Variants in UGT1A6 observed in about 807,000 individuals in gnomAD.
UGT1A6 encodes UDP glucuronosyltransferase family 1 member A6, also known as UDP-glucuronosyltransferase 1A6.
Under a neutral mutation model 44.4 loss-of-function variants are expected in UGT1A6, and 32 were observed. The observed-to-expected ratio is 0.72, with a 90% CI of 0.54 to 0.97. The LOEUF is 0.97. Ranked by LOEUF, UGT1A6 falls within the 50% of genes least tolerant of loss-of-function variation. The probability of loss-of-function intolerance (pLI) is 0.00; values close to 1 mark genes in which losing one functional copy is unlikely to be tolerated. For missense variants in UGT1A6, 685 were observed against 661.9 expected (o/e 1.03, Z -0.38); for synonymous variants, 238 against 248.5 (o/e 0.96, Z 0.40).
rs1378929014 is a variant in UGT1A6, at chr2:233,747,451, A to G, written c.862-19583A>G. On this transcript the variant is annotated intron_variant, in intron 1 of 4. Coordinates refer to ENST00000305139, the MANE Select transcript of UGT1A6 (RefSeq NM_001072.4). ...GAGAAATTTTTCACCCTGACAACCT[A>G]TGCCATTTCATGGACCCAGGATGAA... is the stretch of plus-strand genomic sequence containing the variant. 1.7e-4 allele frequency: 273 copies of G among 1,608,716 alleles called. 1 individual carries two copies. The highest frequency in any genetic ancestry group is 3.3e-5 in the Admixed American group (2 of 59,980).
chr2:233,703,579 A>G (rs2075744144), intron 1 of UGT1A6, among the ~76,000 whole-genome samples: 2 of 151,928 alleles, frequency 1.3e-5, no homozygotes, highest in South Asian at 4.1e-4. Context: ...TAAGGTCTAT[A>G]TTATCTTGCT....
At chr2:233,695,439 T>C (rs572772091) in intron 1 of UGT1A6, among the ~76,000 whole-genome samples, 14 of 152,046 alleles carry the variant, frequency 9.2e-5, no homozygotes, top group African/African-American at 3.4e-4. Context: ...CTTCTTCTTT[T>C]TTTTTTGATC....
chr2:233,769,824 C>A lies in UGT1A6; in HGVS notation c.1301+1385C>A. On this transcript the variant is annotated intron_variant, in intron 4 of 4. Transcript: ENST00000305139. This position sits in a 1 kb window ranked among gnomAD's most constrained non-coding sequence, Gnocchi z 4.4. The stretch of plus-strand genomic sequence containing the variant: ...GAGCCGTGATCATGCCACTGCACTC[C>A]AGCAACCTGGGCAACAGAGTGAGAC... 2 of 763,338 alleles carry A rather than the reference C, an allele frequency of 2.6e-6. No homozygotes were observed. The highest frequency in any genetic ancestry group is 3.7e-6 in the Non-Finnish European group (2 of 534,878). The allele number at this position is 763,338 out of a possible 1,614,324, so 47.3% of individuals were successfully genotyped here. A position where few individuals can be genotyped will look rare whatever the true frequency, so the allele number is the denominator to read the frequency against.
intron 1 of UGT1A6, chr2:233,748,082 C>T (rs1013967791): frequency 1.5e-5 from 25 of 1,612,926 alleles, no homozygotes; most frequent in East Asian, 6.7e-5. Context: ...TATCTCAGGT[C>T]GGTGTTCGTG....
Position 233,750,687 on chromosome 2 carries a change from G to T in UGT1A6, c.862-16347G>T, listed in dbSNP as rs1349099199. On this transcript the variant is annotated intron_variant, in intron 1 of 4. Coordinates refer to ENST00000305139, the MANE Select transcript of UGT1A6 (RefSeq NM_001072.4). The stretch of plus-strand genomic sequence containing the variant: ...CTGTGTCCCAGTGGCTCCAGCCATG[G>T]CTAAAAGAGGCCAAGGTAGAGCTCA... The T allele has an allele frequency of 2.6e-5, 4 of 151,974 alleles. No individual in the cohort carries two copies. In the South Asian group the frequency reaches 6.2e-4, roughly 24 times the overall value. 9.4% of individuals were successfully genotyped at this position (151,974 alleles called of 1,614,324 possible). A position where few individuals can be genotyped will look rare whatever the true frequency, so the allele number is the denominator to read the frequency against.
chr2:233,726,544 G>A (rs543814105), intron 1 of UGT1A6, among the ~76,000 whole-genome samples: 35 of 152,224 alleles, frequency 2.3e-4, no homozygotes, highest in Non-Finnish European at 4.0e-4. Flanking sequence ...GCAGTGCAGC[G>A]TCTTCAAGTC....
intron 1 of UGT1A6, among the ~76,000 whole-genome samples, chr2:233,705,028 C>T (rs912053989): frequency 4.0e-5 from 6 of 151,736 alleles, no homozygotes; most frequent in African/African-American, 1.2e-4. Context: ...CCCAGCTACT[C>T]GGGAGGCTGA....
At chr2:233,720,465 GATGA>G (rs2076862299) in intron 1 of UGT1A6, among the ~76,000 whole-genome samples, 1 of 152,108 alleles carries the variant, frequency 6.6e-6, no homozygotes, top group Non-Finnish European at 1.5e-5. Flanking sequence ...TGGGACCAGT[GATGA>G]ATGGACATGT....
intron 1 of UGT1A6, chr2:233,760,706 T>G (rs1396464237): frequency 2.5e-6 from 4 of 1,614,118 alleles, no homozygotes; most frequent in African/African-American, 1.3e-5. Flanking sequence ...ATGGCCTCCC[T>G]GGCAGAAAGC....
intron 1 of UGT1A6, among the ~76,000 whole-genome samples, chr2:233,746,603 T>C (rs1036013853): frequency 3.3e-5 from 5 of 151,768 alleles, no homozygotes; most frequent in Non-Finnish European, 5.9e-5. Context: ...TTGTCTCTGT[T>C]CACCTGACCC....
At chr2:233,714,756 T>TA (rs1222737910) in intron 1 of UGT1A6, among the ~76,000 whole-genome samples, 1 of 152,230 alleles carries the variant, frequency 6.6e-6, no homozygotes, top group Non-Finnish European at 1.5e-5. Flanking sequence ...ATTTGACACT[T>TA]ACAGTATATC....
chr2:233,718,994 G>A lies in UGT1A6; in HGVS notation c.861+25129G>A, dbSNP rs749212538. ...AGCTCCATGCCAGAGGCCACCAGGC[G>A]GTGGTCCTCACCCCAGAGGTGAATA... On this transcript the variant is annotated intron_variant, in intron 1 of 4. Coordinates refer to ENST00000305139, the MANE Select transcript of UGT1A6 (RefSeq NM_001072.4). 2.7e-4 allele frequency: 436 copies of A among 1,613,960 alleles called. 1 individual carries two copies. The highest frequency in any genetic ancestry group is 1.8e-3 in the Admixed American group (110 of 60,006).
At position 233,693,831 on chromosome 2, in the gene UGT1A6, G is replaced by T; in HGVS notation, c.827G>T (p.Gly276Val). The T allele has an allele frequency of 1.2e-6, 2 of 1,614,178 alleles. No individual in the cohort carries two copies. The highest frequency in any genetic ancestry group is 1.7e-6 in the Non-Finnish European group (2 of 1,180,030). ...ATGCCCAACATGGTCTTCATTGGAGGTATCAACTGTAAGAAGAGGAAAGAC... is the reference window on the plus strand; with the variant it reads ...ATGCCCAACATGGTCTTCATTGGAGTTATCAACTGTAAGAAGAGGAAAGAC... ...PVMPNMVFIG[G>V]INCKKRKDLS... is the part of the protein sequence containing the mutation. Residue 276 changes from glycine to valine, a missense_variant, in exon 1 of 5, where the codon GGT becomes GTT. Gly to Val is a moderately radical substitution (Grantham distance 109). Transcript: ENST00000305139.
rs575340312 is a variant in UGT1A6, at chr2:233,701,661, A to G, written c.861+7796A>G. ...CAAACTGTCTCTCAGACCACAGTGC[A>G]ATCAAACTAGAACTCAGAATTAAGA... On this transcript the variant is annotated intron_variant, in intron 1 of 4. Transcript: ENST00000305139. Among the ~76,000 whole-genome samples, 9 of 152,370 alleles carry G rather than the reference A, an allele frequency of 5.9e-5. No homozygotes were observed. The East Asian group carries it at 1.3e-3, about 23-fold the overall frequency.
In UGT1A6 at chr2:233,769,727, C is replaced by T. The variant is rs565012601; in HGVS notation, c.1301+1288C>T. The stretch of plus-strand genomic sequence containing the variant: ...AATGTTGGCTAGGCACCATGGCACA[C>T]GCCTGTAGTCCCAGCCACTCTGGAG... On this transcript the variant is annotated intron_variant, in intron 4 of 4. Transcript: ENST00000305139. This position sits in a 1 kb window ranked among gnomAD's most constrained non-coding sequence, Gnocchi z 4.4. 4.8e-4 allele frequency: 703 copies of T among 1,471,542 alleles called. 1 individual carries two copies. Among genetic ancestry groups the T allele is most frequent in the Non-Finnish European group, 5.6e-4 (625 of 1,109,932 alleles). The allele number at this position is 1,471,542 out of a possible 1,614,324, so 91.2% of individuals were successfully genotyped here. A position where few individuals can be genotyped will look rare whatever the true frequency, so the allele number is the denominator to read the frequency against.
intron 1 of UGT1A6, among the ~76,000 whole-genome samples, chr2:233,759,591 C>G (rs984696431): frequency 2.0e-5 from 3 of 147,100 alleles, no homozygotes; most frequent in East Asian, 2.0e-4. Flanking sequence ...GCACGCCCCC[C>G]ACCCCCGACC....
At chr2:233,721,989 A>C (rs2076985463) in intron 1 of UGT1A6, 1 of 271,622 alleles carries the variant, frequency 3.7e-6, no homozygotes, top group Non-Finnish European at 7.4e-6. Context: ...TAGTTTCACG[A>C]ATGTCCTTTA....
At chr2:233,714,647 C>T (rs886443122) in intron 1 of UGT1A6, among the ~76,000 whole-genome samples, 1 of 152,174 alleles carries the variant, frequency 6.6e-6, no homozygotes, top group Non-Finnish European at 1.5e-5. Context: ...GTGAATAATG[C>T]ATTTTATTTA....
At chr2:233,742,442 C>T (rs112027081) in intron 1 of UGT1A6, among the ~76,000 whole-genome samples, 3,340 of 152,032 alleles carry the variant, frequency 0.022, 220 homozygotes, top group African/African-American at 0.075. Flanking sequence ...CCTGGGTGGG[C>T]CAGGTGTTCC....
Sources: allele counts gnomAD v4.1 joint callset (sites outside exome capture counted in the v4.1 genomes callset), GRCh38; gene constraint gnomAD v4.1.1; non-coding constraint Gnocchi (gnomAD v3.1); transcripts MANE v1.5; gene names NCBI Gene and HGNC (gene_info 2026-07-23, HGNC 2026-07-21).